Variants in ENOSF1 observed in about 807,000 individuals in gnomAD.
ENOSF1 encodes enolase superfamily member 1.
ENOSF1 carries 73 observed loss-of-function variants against 68.2 expected under a neutral mutation model. The ratio of observed to expected loss-of-function variants is 1.07; its 90% CI spans 0.89 to 1.30. The LOEUF is 1.30. ENOSF1 is among the 50% of genes most tolerant of loss of function. The probability of loss-of-function intolerance (pLI) is 0.00; values close to 1 mark genes in which losing one functional copy is unlikely to be tolerated. For missense variants in ENOSF1, 589 were observed against 554.5 expected, an observed-to-expected ratio of 1.06 and a Z score of -0.62; for synonymous variants, 223 against 210.4, an observed-to-expected ratio of 1.06 and a Z score of -0.52.
At position 688,566 on chromosome 18, in the gene ENOSF1, A is replaced by C; in HGVS notation, c.653+8T>G. The C allele has an allele frequency of 6.2e-7, 1 of 1,614,010 alleles. No homozygotes were observed. Among genetic ancestry groups the C allele is most frequent in the Middle Eastern group, 1.6e-4 (1 of 6,062 alleles). ...AACTGGGAAAGTCAGGTCCATCATC[A>C]CACTCACCTGGTCCAGCCATCCTTC... On this transcript the variant is annotated splice_region_variant and intron_variant, in intron 9 of 15. Transcript: ENST00000647584.
chr18:682,298 T>C (rs2076153446), intron 11 of ENOSF1, among the ~76,000 whole-genome samples: 1 of 152,186 alleles, frequency 6.6e-6, no homozygotes, highest in South Asian at 2.1e-4. Context: ...GCTCCCAGGC[T>C]ACAAACCTGT....
At chr18:677,689 G>A in intron 13 of ENOSF1, 54 bp downstream of exon 13, 2 of 1,575,420 alleles carry the variant, frequency 1.3e-6, no homozygotes, top group Non-Finnish European at 1.7e-6. Flanking sequence ...CAAGGGAGGT[G>A]TCTGATTAGT....
At chr18:686,137 T>C in intron 9 of ENOSF1, 129 bp from the exon 10 acceptor site, 1 of 690,636 alleles carries the variant, frequency 1.4e-6, no homozygotes, top group South Asian at 1.7e-5. Context: ...CTCTTGCTCT[T>C]TCCTCATCTT....
chr18:710,322 C>G (rs975659845), intron 1 of ENOSF1, among the ~76,000 whole-genome samples: 6 of 152,168 alleles, frequency 3.9e-5, no homozygotes, highest in African/African-American at 1.4e-4. Flanking sequence ...GTTGCTCAGG[C>G]TGGTCTCGAA....
chr18:670,572 GCT>G lies in ENOSF1; in HGVS notation c.*3731_*3732del. 3 of 1,059,696 alleles carry G rather than the reference GCT, an allele frequency of 2.8e-6. No homozygotes were observed. Among genetic ancestry groups the G allele is most frequent in the Non-Finnish European group, 4.1e-6 (3 of 726,098 alleles). 65.6% of individuals were successfully genotyped at this position (1,059,696 alleles called of 1,614,324 possible). A position where few individuals can be genotyped will look rare whatever the true frequency, so the allele number is the denominator to read the frequency against. The stretch of plus-strand genomic sequence containing the variant: ...TTATGGACATCACTGCAGCCCAGTG[GCT>G]CTCTCTCCTGGTCTCCACCATATGA... On this transcript the variant is annotated 3_prime_UTR_variant, in exon 16 of 16. Coordinates refer to ENST00000647584, the MANE Select transcript of ENOSF1 (RefSeq NM_017512.7).
chr18:671,503 G>C lies in ENOSF1; in HGVS notation c.*2802C>G, dbSNP rs2144382819. ...GTTTGGTACCTTCTCTTGATAAAAG[G>C]TTGACTGTGGAACAGGCATCTGCTC... On this transcript the variant is annotated 3_prime_UTR_variant, in exon 16 of 16. Transcript: ENST00000647584. The C allele has an allele frequency of 8.5e-7, 1 of 1,175,620 alleles. No homozygotes were observed. Among genetic ancestry groups the C allele is most frequent in the East Asian group, 2.3e-5 (1 of 42,850 alleles). 72.8% of individuals were successfully genotyped at this position (1,175,620 alleles called of 1,614,324 possible).
intron 2 of ENOSF1, among the ~76,000 whole-genome samples, chr18:701,024 C>T (rs1568118563): frequency 6.6e-6 from 1 of 151,294 alleles, no homozygotes; most frequent in Non-Finnish European, 1.5e-5. Flanking sequence ...GTGATTCTAT[C>T]TGCTCAGGGA....
intron 3 of ENOSF1, 55 bp downstream of exon 3, chr18:697,185 T>C (rs1048340344): frequency 1.7e-6 from 2 of 1,168,318 alleles, no homozygotes; most frequent in Admixed American, 1.7e-5. Flanking sequence ...TCAAAGGACA[T>C]CTCAGACCTT....
chr18:692,966 G>C, intron 5 of ENOSF1: 1 of 1,174,226 alleles, frequency 8.5e-7, no homozygotes, highest in Non-Finnish European at 1.1e-6. Flanking sequence ...TAATAACAAG[G>C]GCCTTCATTT....
chr18:663,894 G>T, the ENOSF1 span, among the ~76,000 whole-genome samples: 2 of 110,868 alleles, frequency 1.8e-5, no homozygotes, highest in African/African-American at 9.8e-5. Flanking sequence ...TTTGGTACCA[G>T]TACCATACTG....
intron 9 of ENOSF1, 54 bp downstream of exon 9, chr18:688,520 G>A (rs2076841090): frequency 6.2e-7 from 1 of 1,612,276 alleles, no homozygotes; most frequent in Non-Finnish European, 8.5e-7. Context: ...GAGACTTACT[G>A]CCTGAGTCTC....
chr18:694,278 C>T lies in ENOSF1; in HGVS notation c.366G>A (p.Val122=), dbSNP rs1284297531. The change falls in exon 4 of 16, where the codon GTG becomes GTA. Residue 122 remains valine, a synonymous_variant. Coordinates refer to ENST00000647584, the MANE Select transcript of ENOSF1 (RefSeq NM_017512.7). ...HLATAAVLNA[V]WDLWAKQEGK... ...CCTCCTGCTTGGCCCACAAGTCCCA[C>T]ACCGCGTTTAGGACGGCCGCTGTCG... 7 of 1,614,088 alleles carry T rather than the reference C, an allele frequency of 4.3e-6. No individual in the cohort carries two copies. In the African/African-American group the frequency reaches 6.7e-5, roughly 15 times the overall value.
intron 10 of ENOSF1, among the ~76,000 whole-genome samples, chr18:684,220 C>T (rs2076401943): frequency 6.6e-6 from 1 of 151,980 alleles, no homozygotes; most frequent in Non-Finnish European, 1.5e-5. Flanking sequence ...TGGTCTCAAT[C>T]TCCTGACCTT....
At position 673,995 on chromosome 18, in the gene ENOSF1, T is replaced by G. The variant is rs1059384; in HGVS notation, c.*310A>C. Reference sequence around the variant, plus strand: ...AATTATTCCAACAAGTTATGCAACATGTTGCTTATTTTCAAATTACAGTTT... The same window carrying G: ...AATTATTCCAACAAGTTATGCAACAGGTTGCTTATTTTCAAATTACAGTTT... On this transcript the variant is annotated 3_prime_UTR_variant, in exon 16 of 16. Transcript: ENST00000647584. The G allele has an allele frequency of 1.4e-5, 3 of 207,496 alleles. No individual in the cohort carries two copies. Among genetic ancestry groups the G allele is most frequent in the African/African-American group, 2.3e-5 (1 of 43,014 alleles). The allele number at this position is 207,496 out of a possible 1,614,324, so 12.9% of individuals were successfully genotyped here.
At chr18:693,394 C>A (rs1042157800) in intron 5 of ENOSF1, 1 of 1,148,906 alleles carries the variant, frequency 8.7e-7, no homozygotes, top group African/African-American at 1.6e-5. Flanking sequence ...TAGCTCACTG[C>A]AGCCTGAAAC....
downstream of ENOSF1, among the ~76,000 whole-genome samples, chr18:666,679 A>C (rs1156750208): frequency 6.6e-6 from 1 of 152,226 alleles, no homozygotes; most frequent in Non-Finnish European, 1.5e-5. Context: ...CTTCAATAAA[A>C]GCCTAAAATC....
At chr18:694,066 T>C (rs1847294147) in intron 4 of ENOSF1, among the ~76,000 whole-genome samples, 158 bp from the exon 5 acceptor site, 1 of 152,184 alleles carries the variant, frequency 6.6e-6, no homozygotes, top group Admixed American at 6.5e-5. Context: ...CTGTCTCCTC[T>C]TTCTCCTCCT....
chr18:700,068 G>A (rs1389848511), intron 2 of ENOSF1, among the ~76,000 whole-genome samples: 8 of 152,126 alleles, frequency 5.3e-5, no homozygotes, highest in African/African-American at 1.7e-4. Flanking sequence ...CAACAAGAGC[G>A]AAACTCCATC....
intron 1 of ENOSF1, chr18:712,279 T>G: frequency 1.4e-5 from 22 of 1,530,500 alleles, no homozygotes; most frequent in Admixed American, 3.9e-5. Context: ...AAGCAATGGG[T>G]TCGAAGTCGG....
Sources: allele counts gnomAD v4.1 joint callset (sites outside exome capture counted in the v4.1 genomes callset), GRCh38; gene constraint gnomAD v4.1.1; transcripts MANE v1.5; gene names NCBI Gene and HGNC (gene_info 2026-07-23, HGNC 2026-07-21).